MDFIC: variants seen among roughly 807,000 people sequenced by gnomAD.
MDFIC encodes MyoD family inhibitor domain containing.
A neutral mutation model predicts 23.2 loss-of-function variants in MDFIC; 17 were observed. The ratio of observed to expected loss-of-function variants is 0.73; its 90% CI spans 0.50 to 1.10. The LOEUF is 1.10. MDFIC is among the 50% of genes least tolerant of loss of function. MDFIC has a pLI of 0.00. For synonymous variants in MDFIC, 120 were observed against 115.2 expected (o/e 1.04, Z -0.27); for missense variants, 356 against 316.6 (o/e 1.12, Z -0.95).
At chr7:114,995,758 G>A (rs549108956) in intron 4 of MDFIC, among the ~76,000 whole-genome samples, 2 of 152,300 alleles carry the variant, frequency 1.3e-5, no homozygotes, top group Admixed American at 1.3e-4. Context: ...TGCCCCTACT[G>A]GGGGGTGCCT....
chr7:114,933,545 C>G (rs1792368938), intron 2 of MDFIC, among the ~76,000 whole-genome samples: 1 of 152,218 alleles, frequency 6.6e-6, no homozygotes, highest in South Asian at 2.1e-4. Flanking sequence ...GTGTGAGCCA[C>G]TGTGCCCAGC....
At chr7:114,925,037 C>T (rs550194409) in intron 2 of MDFIC, among the ~76,000 whole-genome samples, 18 of 152,130 alleles carry the variant, frequency 1.2e-4, no homozygotes, top group Admixed American at 3.3e-4. Flanking sequence ...AATAATTCTA[C>T]GGTAGGATAT....
At chr7:114,957,981 G>T (rs1411966363) in intron 3 of MDFIC, among the ~76,000 whole-genome samples, 1 of 152,106 alleles carries the variant, frequency 6.6e-6, no homozygotes, top group Admixed American at 6.5e-5. Flanking sequence ...ATTATTAAAA[G>T]TTACTCTTTT....
intron 3 of MDFIC, among the ~76,000 whole-genome samples, chr7:114,950,218 A>G (rs932815330): frequency 6.6e-6 from 1 of 152,164 alleles, no homozygotes; most frequent in African/African-American, 2.4e-5. Flanking sequence ...GCCTCTGAGA[A>G]AGGAAGGTGT....
intron 4 of MDFIC, among the ~76,000 whole-genome samples, chr7:114,983,355 A>G (rs988285667): frequency 2.0e-5 from 3 of 152,172 alleles, no homozygotes; most frequent in East Asian, 3.9e-4. Context: ...AATATTTACA[A>G]ATTTTCTAGT....
chr7:114,956,194 T>G (rs899298242), intron 3 of MDFIC, among the ~76,000 whole-genome samples: 2 of 152,142 alleles, frequency 1.3e-5, no homozygotes, highest in Non-Finnish European at 2.9e-5. Context: ...TACTGCTCTT[T>G]TACCACTAGT....
At chr7:114,980,682 T>C (rs1348609452) in intron 4 of MDFIC, among the ~76,000 whole-genome samples, 2 of 152,216 alleles carry the variant, frequency 1.3e-5, no homozygotes, top group Non-Finnish European at 2.9e-5. Flanking sequence ...AAGTCTTGAA[T>C]CTGTTATATG....
intron 4 of MDFIC, among the ~76,000 whole-genome samples, chr7:114,991,735 C>G (rs1791168253): frequency 6.6e-6 from 1 of 152,174 alleles, no homozygotes; most frequent in Admixed American, 6.5e-5. Context: ...CAGTACCATG[C>G]TGTTTTGGTT....
chr7:114,967,196 G>T (rs990181636), intron 3 of MDFIC, among the ~76,000 whole-genome samples: 1 of 152,162 alleles, frequency 6.6e-6, no homozygotes, highest in Non-Finnish European at 1.5e-5. Context: ...CAGGTGAAAA[G>T]ATTCTGATTA....
At position 114,967,546 on chromosome 7, in the gene MDFIC, C is replaced by T. The variant is rs143796973; in HGVS notation, c.218-11960C>T. On this transcript the variant is annotated intron_variant, in intron 3 of 4. Coordinates refer to ENST00000393486, the MANE Select transcript of MDFIC (RefSeq NM_001166345.3). The stretch of plus-strand genomic sequence containing the variant: ...TGTGAAATCAATAATAGTAGAGCTG[C>T]GCTATTTTTGGATTTTCTGTTATAT... Among the ~76,000 whole-genome samples, 122 of 152,092 alleles carry T rather than the reference C, an allele frequency of 8.0e-4. No homozygotes were observed. The East Asian group carries it at 8.9e-3, about 11-fold the overall frequency.
At chr7:114,986,621 T>C (rs1209621585) in intron 4 of MDFIC, among the ~76,000 whole-genome samples, 4 of 152,222 alleles carry the variant, frequency 2.6e-5, no homozygotes, top group Admixed American at 6.5e-5. Context: ...GTACACATGG[T>C]CAGGTGAAAC....
intron 2 of MDFIC, among the ~76,000 whole-genome samples, chr7:114,939,624 A>T (rs763136959): frequency 6.6e-6 from 1 of 152,168 alleles, no homozygotes; most frequent in Non-Finnish European, 1.5e-5. Flanking sequence ...ATCTATGTGT[A>T]TATGGTCCAC....
chr7:114,998,492 C>T (rs1043013125), intron 4 of MDFIC, among the ~76,000 whole-genome samples: 1 of 152,082 alleles, frequency 6.6e-6, no homozygotes, highest in African/African-American at 2.4e-5. Context: ...ATGTGTAATA[C>T]ATGCCTTAAT....
At chr7:114,952,895 AGGCG>A (rs1462327152) in intron 3 of MDFIC, among the ~76,000 whole-genome samples, 1 of 152,226 alleles carries the variant, frequency 6.6e-6, no homozygotes, top group Non-Finnish European at 1.5e-5. Context: ...AGCATTGCAA[AGGCG>A]CTGTCATAAT....
intron 4 of MDFIC, among the ~76,000 whole-genome samples, chr7:115,004,186 A>T (rs1585121614): frequency 6.6e-6 from 1 of 152,296 alleles, no homozygotes; most frequent in East Asian, 1.9e-4. Context: ...AAGATTTTGA[A>T]CCTCAGGTTC....
At chr7:114,997,054 G>T (rs1791348030) in intron 4 of MDFIC, among the ~76,000 whole-genome samples, 1 of 152,164 alleles carries the variant, frequency 6.6e-6, no homozygotes, top group Admixed American at 6.5e-5. Flanking sequence ...TGAATGAGAA[G>T]TGACCATTGA....
chr7:114,995,569 G>C (rs1791305999), intron 4 of MDFIC, among the ~76,000 whole-genome samples: 1 of 152,196 alleles, frequency 6.6e-6, no homozygotes, highest in Non-Finnish European at 1.5e-5. Flanking sequence ...TAACAGTCAG[G>C]ACCCTCAGCT....
chr7:114,937,483 G>A (rs1299476662), intron 2 of MDFIC, among the ~76,000 whole-genome samples: 3 of 152,244 alleles, frequency 2.0e-5, no homozygotes, highest in East Asian at 1.9e-4. Flanking sequence ...CTATTGTTTA[G>A]CTCTTGTGAA....
intron 4 of MDFIC, among the ~76,000 whole-genome samples, chr7:115,008,494 A>C (rs1255023474): frequency 6.6e-6 from 1 of 152,072 alleles, no homozygotes; most frequent in Non-Finnish European, 1.5e-5. Context: ...TCTGGCTAAG[A>C]TGTGTGGCCT....
Sources: gnomAD v4.1 joint callset for allele counts (sites outside exome capture counted in the v4.1 genomes callset) on GRCh38, gnomAD v4.1.1 for gene constraint, MANE v1.5 for transcripts, NCBI Gene and HGNC (gene_info 2026-07-23, HGNC 2026-07-21) for gene names.